The following WWC2 variants were observed in gnomAD, a reference collection of about 807,000 sequenced individuals.
WWC2 encodes WW and C2 domain containing 2.
WWC2 carries 101 observed loss-of-function variants against 138.5 expected under a neutral mutation model. The ratio of observed to expected loss-of-function variants is 0.73; its 90% confidence interval spans 0.62 to 0.86. The LOEUF is 0.86. Ranked by LOEUF, WWC2 falls within the 40% of genes least tolerant of loss-of-function variation. The probability of loss-of-function intolerance (pLI) is 0.00; values close to 1 mark genes in which losing one functional copy is unlikely to be tolerated. For missense variants in WWC2, 1,420 were observed against 1,419.4 expected (o/e 1.00, Z -0.01); for synonymous variants, 558 against 538.4 (o/e 1.04, Z -0.50).
intron 4 of WWC2, among the ~76,000 whole-genome samples, chr4:183,215,464 A>G (rs909610241): frequency 3.3e-5 from 5 of 152,148 alleles, no homozygotes; most frequent in Admixed American, 2.6e-4. Context: ...AAAAAGCAAG[A>G]CAGAAAGAAA....
In WWC2 at chr4:183,242,794, C is replaced by G. The variant is rs181019300; in HGVS notation, c.602+2532C>G. On this transcript the variant is annotated intron_variant, in intron 5 of 22. Transcript: ENST00000403733. ...CCAAAAGAAATTTTAAGAAAAAAAACAGCTTTTCTCATATTAAGAACAAAA... is the reference window on the plus strand; with the variant it reads ...CCAAAAGAAATTTTAAGAAAAAAAAGAGCTTTTCTCATATTAAGAACAAAA... 6.6e-5 allele frequency among the ~76,000 whole-genome samples: 10 copies of G among 152,188 alleles called. No individual in the cohort carries two copies. The East Asian group carries it at 1.7e-3, about 26-fold the overall frequency.
In WWC2 at chr4:183,178,221, T is replaced by G. The variant is rs959361469; in HGVS notation, c.132-15378T>G. Among the ~76,000 whole-genome samples, 5 of 152,072 alleles carry G rather than the reference T, an allele frequency of 3.3e-5. No individual in the cohort carries two copies. The East Asian group carries it at 9.6e-4, about 29-fold the overall frequency. On this transcript the variant is annotated intron_variant, in intron 1 of 22. Transcript: ENST00000403733. ...GAAATTCATTTATTTTGTCTCTAAA[T>G]GTAACAATAGCTGTAGACTGCAAAA...
chr4:183,301,865 A>AT (rs1232154129), intron 21 of WWC2, among the ~76,000 whole-genome samples: 2 of 152,124 alleles, frequency 1.3e-5, no homozygotes, highest in Admixed American at 6.5e-5. Context: ...CCTTCCAGCT[A>AT]TTTTTTTATG....
chr4:183,155,128 T>C (rs1733761003), intron 1 of WWC2, among the ~76,000 whole-genome samples: 1 of 5,118 alleles, frequency 2.0e-4, no homozygotes, highest in Non-Finnish European at 0.01. Flanking sequence ...AAGTTAGAAC[T>C]TGGTAGGGCT....
intron 1 of WWC2, among the ~76,000 whole-genome samples, chr4:183,143,803 G>A (rs1258328909): frequency 6.6e-6 from 1 of 151,290 alleles, no homozygotes; most frequent in East Asian, 1.9e-4. Context: ...GATAGACCCT[G>A]TCTCACCTCC....
intron 1 of WWC2, among the ~76,000 whole-genome samples, chr4:183,121,357 A>T (rs573212678): frequency 8.1e-4 from 122 of 149,864 alleles, no homozygotes; most frequent in South Asian, 7.8e-3. Context: ...TTTTTTTTTT[A>T]AATTTTGGAA....
chr4:183,228,683 C>T (rs932603583), intron 4 of WWC2, among the ~76,000 whole-genome samples: 10 of 152,194 alleles, frequency 6.6e-5, no homozygotes, highest in Admixed American at 2.0e-4. Flanking sequence ...TATGAAGCGT[C>T]GTTAAGGATG....
intron 4 of WWC2, among the ~76,000 whole-genome samples, chr4:183,238,373 A>G (rs1185675285): frequency 6.6e-6 from 1 of 152,170 alleles, no homozygotes; most frequent in African/African-American, 2.4e-5. Flanking sequence ...GGCATAATGG[A>G]CCCTCGTGGC....
chr4:183,253,904 C>A lies in WWC2; in HGVS notation c.1101C>A (p.Thr367=). Residue 367 remains threonine (T), a synonymous_variant, in exon 9 of 23, where the codon ACC becomes ACA. Coordinates refer to ENST00000403733, the MANE Select transcript of WWC2 (RefSeq NM_024949.6). ...AGTTCGTCACCCCACAGAAACGTAC[C>A]CAAGATGAATTAGAACGCCTAGAAG... The part of the protein sequence containing the change: ...ELQFVTPQKR[T]QDELERLEAE... The A allele has an allele frequency of 6.2e-7, 1 of 1,613,672 alleles. No individual in the cohort carries two copies. The highest frequency in any genetic ancestry group is 1.1e-5 in the South Asian group (1 of 91,038).
At chr4:183,304,123 G>GA (rs1355808061) in intron 21 of WWC2, among the ~76,000 whole-genome samples, 2 of 151,976 alleles carry the variant, frequency 1.3e-5, no homozygotes, top group Admixed American at 6.6e-5. Flanking sequence ...TGAACAAAAT[G>GA]AAAAATCAAT....
intron 1 of WWC2, among the ~76,000 whole-genome samples, chr4:183,141,245 C>G (rs34103329): frequency 0.091 from 13,926 of 152,240 alleles, 835 homozygotes; most frequent in East Asian, 0.13. Flanking sequence ...GGTGAAGGCT[C>G]TCTTCCTGGC....
chr4:183,265,019 CT>C lies in WWC2; in HGVS notation c.1953del (p.Glu653ArgfsTer26), dbSNP rs772766389. ...ACCAAAAAGAAGAGTGATCCACTTGCTTGGGGAGAAAACCACTTGTGTGTCG... is the reference window on the plus strand; with the variant it reads ...ACCAAAAAGAAGAGTGATCCACTTGCTGGGGAGAAAACCACTTGTGTGTCG... The part of the protein sequence containing the change: ...SLPKRRVIHL[L>X]GEKTTCVSAA... On this transcript the variant is annotated frameshift_variant, in exon 12 of 23. Transcript: ENST00000403733. LOFTEE classifies it high-confidence loss of function. 6.2e-7 allele frequency: 1 copy of C among 1,613,310 alleles called. No individual in the cohort carries two copies.
chr4:183,272,116 G>C (rs1367430783), intron 16 of WWC2, among the ~76,000 whole-genome samples: 1 of 152,166 alleles, frequency 6.6e-6, no homozygotes. Context: ...GGCATTTGTG[G>C]TTATTGTTAT....
rs1737602252 is a variant in WWC2, at chr4:183,268,983, T to C, written c.2220T>C (p.Val740=). Residue 740 remains valine (V), a synonymous_variant, in exon 15 of 23, where the codon GTT becomes GTC. Coordinates refer to ENST00000403733, the MANE Select transcript of WWC2 (RefSeq NM_024949.6). ...TTGTTCTTTGCAGATATTTTAGGGTTGCCGTTCTTCCTTCCTCAACTGATG... is the reference window on the plus strand; with the variant it reads ...TTGTTCTTTGCAGATATTTTAGGGTCGCCGTTCTTCCTTCCTCAACTGATG... ...IPHTSKVYFR[V]AVLPSSTDVS... is the part of the protein sequence containing the mutation. 18 of 1,612,256 alleles carry C rather than the reference T, an allele frequency of 1.1e-5. No individual in the cohort carries two copies. Among genetic ancestry groups the C allele is most frequent in the Non-Finnish European group, 1.5e-5 (18 of 1,179,486 alleles).
At chr4:183,262,106 G>A (rs2111359887) in intron 11 of WWC2, among the ~76,000 whole-genome samples, 1 of 152,310 alleles carries the variant, frequency 6.6e-6, no homozygotes, top group South Asian at 2.1e-4. Flanking sequence ...GGGATTACTA[G>A]AGATTGTAGT....
chr4:183,250,064 G>A (rs1369467318), intron 8 of WWC2, 71 bp downstream of exon 8: 1 of 1,400,674 alleles, frequency 7.1e-7, no homozygotes, highest in Non-Finnish European at 1.0e-6. Context: ...TTACTCCTGT[G>A]GTGACATCTG....
At chr4:183,138,086 T>G (rs1357316000) in intron 1 of WWC2, among the ~76,000 whole-genome samples, 1 of 152,186 alleles carries the variant, frequency 6.6e-6, no homozygotes, top group African/African-American at 2.4e-5. Flanking sequence ...TCACCTAAAT[T>G]CCTATCTTTG....
intron 1 of WWC2, among the ~76,000 whole-genome samples, chr4:183,146,210 TAG>T (rs1481806471): frequency 6.6e-6 from 1 of 152,148 alleles, no homozygotes; most frequent in Admixed American, 6.5e-5. Context: ...CTGATTGAAC[TAG>T]TGAGCATGTA....
At chr4:183,280,996 A>G (rs1473543674) in intron 17 of WWC2, 99 bp downstream of exon 17, 4 of 1,437,570 alleles carry the variant, frequency 2.8e-6, no homozygotes, top group East Asian at 2.6e-5. Flanking sequence ...TTCCAGAATG[A>G]TGGAATGCAC....
Sources: gnomAD v4.1 joint callset for allele counts (sites outside exome capture counted in the v4.1 genomes callset) on GRCh38, gnomAD v4.1.1 for gene constraint, MANE v1.5 for transcripts, NCBI Gene and HGNC (gene_info 2026-07-23, HGNC 2026-07-21) for gene names.